DPP6: variants seen among roughly 807,000 people sequenced by gnomAD.
DPP6 encodes the protein dipeptidyl peptidase like 6.
DPP6 carries 69 observed loss-of-function variants against 122.6 expected under a neutral mutation model. The observed-to-expected ratio is 0.56, with a 90% CI of 0.46 to 0.69. DPP6 has a LOEUF of 0.69. DPP6 is among the 30% of genes least tolerant of loss of function. The pLI is 0.00. For synonymous variants in DPP6, 418 were observed against 433.1 expected (o/e 0.97, Z 0.43); for missense variants, 928 against 1,116.9 (o/e 0.83, Z 2.41).
At chr7:154,718,971 C>T (rs1841651738) in intron 7 of DPP6, among the ~76,000 whole-genome samples, 1 of 152,070 alleles carries the variant, frequency 6.6e-6, no homozygotes, top group African/African-American at 2.4e-5. Flanking sequence ...ATGATTCATC[C>T]CCCCACTGCT....
intron 1 of DPP6, among the ~76,000 whole-genome samples, chr7:154,218,496 A>G (rs931770767): frequency 2.3e-4 from 35 of 152,324 alleles, no homozygotes; most frequent in Admixed American, 1.5e-3. Flanking sequence ...TGAATTATTC[A>G]TAGGCTTTCT....
chr7:153,804,342 G>C, the DPP6 span, among the ~76,000 whole-genome samples: 1 of 152,050 alleles, frequency 6.6e-6, no homozygotes, highest in Non-Finnish European at 1.5e-5. Flanking sequence ...ATGAGCCACA[G>C]TGCCCCACCC....
chr7:154,075,838 T>C (rs1256572779), intron 1 of DPP6, among the ~76,000 whole-genome samples: 1 of 148,956 alleles, frequency 6.7e-6, no homozygotes, highest in Non-Finnish European at 1.5e-5. Context: ...AAAAAAGAGA[T>C]ACATGTGTTG....
the DPP6 span, among the ~76,000 whole-genome samples, chr7:153,867,043 G>A: frequency 6.6e-6 from 1 of 152,150 alleles, no homozygotes; most frequent in African/African-American, 2.4e-5. Flanking sequence ...CGCTGTTTTT[G>A]TTACTGTAGC....
intron 1 of DPP6, among the ~76,000 whole-genome samples, chr7:154,388,624 G>A (rs769859012): frequency 6.6e-6 from 1 of 152,106 alleles, no homozygotes; most frequent in Non-Finnish European, 1.5e-5. Context: ...AACCTGCCCT[G>A]ATGCCCAGGC....
intron 4 of DPP6, among the ~76,000 whole-genome samples, chr7:154,561,575 C>CTT (rs1181873236): frequency 6.6e-6 from 1 of 151,994 alleles, no homozygotes. Context: ...CGGTATGCAA[C>CTT]AAAGCAATAC....
In DPP6 at chr7:154,031,482, C is replaced by G. The variant is rs186276345; in HGVS notation, c.51+143748C>G. ...AAATACACAGTAGTTTTGGCATTAC[C>G]TGTGACTAAAAAAAATCACAGATAT... On this transcript the variant is annotated intron_variant, in intron 1 of 25. Coordinates refer to the DPP6 transcript ENST00000404039. Among the ~76,000 whole-genome samples the G allele has an allele frequency of 1.1e-3, 164 of 152,038 alleles. 1 individual carries two copies. Among genetic ancestry groups the G allele is most frequent in the African/African-American group, 3.7e-3 (152 of 41,340 alleles).
intron 4 of DPP6, among the ~76,000 whole-genome samples, chr7:154,559,996 T>C (rs182018666): frequency 1.3e-5 from 2 of 148,582 alleles, no homozygotes; most frequent in Non-Finnish European, 3.0e-5. Flanking sequence ...AACATATATA[T>C]ATAAAGATAT....
chr7:154,157,960 C>T (rs913837830), intron 1 of DPP6, among the ~76,000 whole-genome samples: 67 of 147,782 alleles, frequency 4.5e-4, no homozygotes, highest in African/African-American at 1.6e-3. Flanking sequence ...TATATATGTA[C>T]ATATATATAT....
At chr7:154,555,534 T>C (rs1406049765) in intron 4 of DPP6, among the ~76,000 whole-genome samples, 1 of 152,014 alleles carries the variant, frequency 6.6e-6, no homozygotes, top group Non-Finnish European at 1.5e-5. Context: ...AGTTAATGGG[T>C]GCAGCACACC....
chr7:154,705,929 G>A (rs7777884), intron 7 of DPP6, among the ~76,000 whole-genome samples: 7 of 152,156 alleles, frequency 4.6e-5, no homozygotes, highest in South Asian at 2.1e-4. Flanking sequence ...AGTTTCCTGC[G>A]TAGAAGGGTT....
At chr7:154,479,570 A>AAAAAAAAAAAAAAAAAAAG (rs572938567) in intron 3 of DPP6, among the ~76,000 whole-genome samples, 3 of 101,564 alleles carry the variant, frequency 3.0e-5, no homozygotes, top group African/African-American at 9.7e-5. Flanking sequence ...AAAAAAAAAA[A>AAAAAAAAAAAAAAAAAAAG]AAAAGAAAAG....
chr7:154,802,841 A>C (rs1798455956), intron 13 of DPP6, among the ~76,000 whole-genome samples: 1 of 151,840 alleles, frequency 6.6e-6, no homozygotes, highest in South Asian at 2.1e-4. Flanking sequence ...TGTCTCAAAA[A>C]AAAAAAAAAA....
chr7:154,409,498 G>A (rs1816412690), intron 1 of DPP6, among the ~76,000 whole-genome samples: 1 of 152,130 alleles, frequency 6.6e-6, no homozygotes, highest in Non-Finnish European at 1.5e-5. Flanking sequence ...TTCAAGTATG[G>A]ACTCATATAA....
chr7:153,989,484 G>A (rs913810629), intron 1 of DPP6, among the ~76,000 whole-genome samples: 4 of 151,652 alleles, frequency 2.6e-5, no homozygotes, highest in Non-Finnish European at 5.9e-5. Context: ...GCTGTCCTGG[G>A]AGCAGGGCAC....
intron 4 of DPP6, among the ~76,000 whole-genome samples, chr7:154,547,288 T>G (rs2130335431): frequency 6.6e-6 from 1 of 152,358 alleles, no homozygotes; most frequent in Middle Eastern, 3.4e-3. Context: ...ACAGCCGTGT[T>G]TTTGTGTACG....
intron 3 of DPP6, among the ~76,000 whole-genome samples, chr7:154,516,969 C>T (rs1189448484): frequency 1.3e-5 from 2 of 152,154 alleles, no homozygotes; most frequent in African/African-American, 4.8e-5. Context: ...CCAGTCTTTT[C>T]TGTTATCTTT....
At chr7:154,127,487 C>T (rs370537038) in intron 1 of DPP6, among the ~76,000 whole-genome samples, 3 of 152,248 alleles carry the variant, frequency 2.0e-5, no homozygotes, top group East Asian at 1.9e-4. Flanking sequence ...TTGCTGTACA[C>T]GAGCTGTGCA....
intron 7 of DPP6, 45 bp from the exon 8 acceptor site, chr7:154,727,722 C>T (rs1689399097): frequency 6.5e-7 from 1 of 1,550,328 alleles, no homozygotes; most frequent in South Asian, 1.2e-5. Flanking sequence ...CTATTTATAA[C>T]CACTTCCTTG....
Sources: gnomAD v4.1 joint callset for allele counts (sites outside exome capture counted in the v4.1 genomes callset) on GRCh38, gnomAD v4.1.1 for gene constraint, MANE v1.5 for transcripts, NCBI Gene and HGNC (gene_info 2026-07-23, HGNC 2026-07-21) for gene names.